GCNT1: variants seen among roughly 807,000 people sequenced by gnomAD.
GCNT1 encodes glucosaminyl (N-acetyl) transferase 1, also known as beta-1,3-galactosyl-O-glycosyl-glycoprotein beta-1,6-N-acetylglucosaminyltransferase.
GCNT1 carries 16 observed loss-of-function variants against 26.2 expected under a neutral mutation model. The ratio of observed to expected loss-of-function variants is 0.61; its 90% CI spans 0.41 to 0.93. The LOEUF (loss-of-function observed/expected upper bound fraction) is 0.93, where lower values mean the gene tolerates loss of function less well. Among genes scored for constraint, GCNT1 ranks in the 40% least tolerant of loss-of-function variants. The probability of loss-of-function intolerance (pLI) is 0.00; values close to 1 mark genes in which losing one functional copy is unlikely to be tolerated. For missense variants in GCNT1, 477 were observed against 526.7 expected (o/e 0.91, Z 0.92); for synonymous variants, 183 against 190.8 (o/e 0.96, Z 0.34).
In GCNT1 at chr9:76,445,193, G is replaced by C. The variant is rs77222066; in HGVS notation, c.-290+2878G>C. 8.6e-3 allele frequency among the ~76,000 whole-genome samples: 1,310 copies of C among 152,194 alleles called. 21 individuals carry two copies. Among genetic ancestry groups the C allele is most frequent in the African/African-American group, 0.025 (1,019 of 41,512 alleles). ...AGTTGAAGTTGCAGAAGAAAGAATT[G>C]CTCGGATGATGTTCTCAAGTATAAC... is the stretch of plus-strand genomic sequence containing the variant. On this transcript the variant is annotated intron_variant, in intron 1 of 2. Transcript: ENST00000442371.
upstream of GCNT1, among the ~76,000 whole-genome samples, chr9:76,439,082 G>C (rs79269732): frequency 1.8e-3 from 279 of 152,316 alleles, 1 homozygote; most frequent in African/African-American, 6.3e-3. Context: ...ATTTCTATGA[G>C]AGTGTTGTAA....
intron 2 of GCNT1, among the ~76,000 whole-genome samples, chr9:76,477,366 A>T (rs1169722157): frequency 6.6e-6 from 1 of 152,000 alleles, no homozygotes; most frequent in African/African-American, 2.4e-5. Flanking sequence ...TCTCTATTAA[A>T]AATACAAAAA....
At chr9:76,434,591 C>T (rs1823383190) in intron 1 of GCNT1, among the ~76,000 whole-genome samples, 1 of 152,078 alleles carries the variant, frequency 6.6e-6, no homozygotes, top group African/African-American at 2.4e-5. Flanking sequence ...GATTGTAAAA[C>T]ATGTGTGTTT....
At chr9:76,464,643 T>C (rs1823954980) in intron 2 of GCNT1, among the ~76,000 whole-genome samples, 1 of 152,140 alleles carries the variant, frequency 6.6e-6, no homozygotes. Flanking sequence ...ACTCCTAGGC[T>C]CAAGTGATCC....
intron 2 of GCNT1, among the ~76,000 whole-genome samples, chr9:76,490,862 A>G (rs1824715262): frequency 6.6e-6 from 1 of 152,216 alleles, no homozygotes; most frequent in Admixed American, 6.5e-5. Context: ...TAATTAGTTA[A>G]GATTTAGATC....
the GCNT1 span, among the ~76,000 whole-genome samples, chr9:76,406,127 A>C: frequency 6.6e-6 from 1 of 152,188 alleles, no homozygotes; most frequent in African/African-American, 2.4e-5. Flanking sequence ...CTGATGACAT[A>C]TGATGTGGAA....
chr9:76,428,699 A>ATTTTTT (rs5898475), intron 1 of GCNT1, among the ~76,000 whole-genome samples: 270 of 130,096 alleles, frequency 2.1e-3, no homozygotes, highest in African/African-American at 7.6e-3. Context: ...TGCGTATTCT[A>ATTTTTT]TTTTTTTTTT....
At chr9:76,420,156 A>G (rs960868142) in intron 1 of GCNT1, 1 of 152,270 alleles carries the variant, frequency 6.6e-6, no homozygotes, top group Admixed American at 6.5e-5. Flanking sequence ...GAGCACAGCT[A>G]TTGGAAGCAA....
chr9:76,400,631 C>G, the GCNT1 span, among the ~76,000 whole-genome samples: 2 of 152,178 alleles, frequency 1.3e-5, no homozygotes, highest in African/African-American at 2.4e-5. Context: ...GGAACTTTAC[C>G]AATTCCTCTA....
intron 1 of GCNT1, among the ~76,000 whole-genome samples, chr9:76,446,581 TA>T (rs1244965549): frequency 1.3e-5 from 2 of 152,204 alleles, no homozygotes; most frequent in Non-Finnish European, 2.9e-5. Context: ...CAATTAATAC[TA>T]CACATATGTT....
At chr9:76,451,887 G>A (rs1192188804) in intron 1 of GCNT1, among the ~76,000 whole-genome samples, 2 of 150,674 alleles carry the variant, frequency 1.3e-5, no homozygotes, top group East Asian at 3.9e-4. Flanking sequence ...TATATATCTT[G>A]TGACTTTTTT....
At chr9:76,395,336 G>A in the GCNT1 span, among the ~76,000 whole-genome samples, 1,035 of 148,282 alleles carry the variant, frequency 7.0e-3, 7 homozygotes, top group Admixed American at 0.013. Context: ...TTTCTTTTTT[G>A]CTCTATACAT....
At position 76,445,707 on chromosome 9, in the gene GCNT1, G is replaced by C. The variant is rs532360403; in HGVS notation, c.-290+3392G>C. ...ATAAAAACTGTGGCTAGGTGGGGTGGCTCACACCTGTAATCCCAGCAATCT... is the reference window on the plus strand; with the variant it reads ...ATAAAAACTGTGGCTAGGTGGGGTGCCTCACACCTGTAATCCCAGCAATCT... On this transcript the variant is annotated intron_variant, in intron 1 of 2. Transcript: ENST00000442371. Among the ~76,000 whole-genome samples, 42 of 151,630 alleles carry C rather than the reference G, an allele frequency of 2.8e-4. No homozygotes were observed. In the East Asian group the frequency reaches 8.0e-3, roughly 29 times the overall value.
At chr9:76,466,739 G>A (rs1391606127) in intron 2 of GCNT1, among the ~76,000 whole-genome samples, 1 of 152,200 alleles carries the variant, frequency 6.6e-6, no homozygotes. Context: ...GGAGAGGATG[G>A]ATAAAGATGC....
At chr9:76,394,445 G>A in the GCNT1 span, 2 of 361,678 alleles carry the variant, frequency 5.5e-6, no homozygotes, top group East Asian at 5.1e-5. Flanking sequence ...TGAGCGGGGT[G>A]GGGGGAGGGG....
At chr9:76,482,830 T>TTTG (rs1554736727) in intron 2 of GCNT1, among the ~76,000 whole-genome samples, 1 of 148,696 alleles carries the variant, frequency 6.7e-6, no homozygotes, top group African/African-American at 2.5e-5. Context: ...TTTTTTTTTT[T>TTTG]GGTAGAGATG....
At chr9:76,482,138 AGTGCCTCACTTGCAAGAT>A (rs751617927) in intron 2 of GCNT1, among the ~76,000 whole-genome samples, 12 of 151,882 alleles carry the variant, frequency 7.9e-5, no homozygotes, top group Non-Finnish European at 1.5e-4. Flanking sequence ...ACAAAAAGAC[AGTGCCTCACTTGCAAGAT>A]GTACAGAAAT....
intron 2 of GCNT1, among the ~76,000 whole-genome samples, chr9:76,474,195 G>A (rs1340337497): frequency 1.3e-5 from 2 of 152,114 alleles, no homozygotes; most frequent in Admixed American, 6.6e-5. Flanking sequence ...TGCAATATCG[G>A]CAAAAATAAT....
chr9:76,405,288 AACACACACACACAC>A, the GCNT1 span, among the ~76,000 whole-genome samples: 10 of 149,642 alleles, frequency 6.7e-5, no homozygotes, highest in East Asian at 1.6e-3. Flanking sequence ...CCTGACCTTC[AACACACACACACAC>A]ACACACACAC....
Sources: gnomAD v4.1 joint callset for allele counts (sites outside exome capture counted in the v4.1 genomes callset) on GRCh38, gnomAD v4.1.1 for gene constraint, MANE v1.5 for transcripts, NCBI Gene and HGNC (gene_info 2026-07-23, HGNC 2026-07-21) for gene names.